Variants in FAM110C observed in about 807,000 individuals in gnomAD.
FAM110C encodes the protein family with sequence similarity 110 member C.
Under a neutral mutation model 15.7 loss-of-function variants are expected in FAM110C, and 19 were observed. That is an observed-to-expected ratio of 1.21 (90% confidence interval 0.85 to 1.78). FAM110C has a LOEUF of 1.78. Among genes scored for constraint, FAM110C ranks in the 40% most tolerant of loss-of-function variants. FAM110C has a pLI of 0.00. For missense variants in FAM110C, 547 were observed against 495.7 expected (o/e 1.10, Z -0.98); for synonymous variants, 275 against 233.9 (o/e 1.18, Z -1.61).
rs749510904 is a variant in FAM110C, at chr2:45,540, G to A, written c.846C>T (p.Ser282=). Residue 282 remains serine (S), a synonymous_variant, in exon 1 of 2, where the codon AGC becomes AGT. Transcript: ENST00000327669. ...CGTTCCTCTCGATGACCGAAGTGGT[G>A]CTGGGCACCTGCTCTATCAGCTCCT... ...QEEELIEQVP[S]TTSVIERNAR... 6.2e-7 allele frequency: 1 copy of A among 1,614,008 alleles called. No individual in the cohort carries two copies. Among genetic ancestry groups the A allele is most frequent in the African/African-American group, 1.3e-5 (1 of 74,946 alleles).
Position 45,602 on chromosome 2 carries a change from G to T in FAM110C, c.784C>A (p.Arg262=), listed in dbSNP as rs749471252. 1.2e-6 allele frequency: 2 copies of T among 1,612,340 alleles called. No individual in the cohort carries two copies. The highest frequency in any genetic ancestry group is 1.7e-6 in the Non-Finnish European group (2 of 1,179,758). The part of the protein sequence containing the change: ...SVATSGSGFS[R]HSGGDDEGLQ... ...CCCTCGTCGTCGCCGCCGCTGTGCC[G>T]GGAGAAGCCGCTGCCGGAGGTGGCG... is the stretch of plus-strand genomic sequence containing the variant. Residue 262 remains arginine (R), a synonymous_variant, in exon 1 of 2, where the codon CGG becomes AGG. Transcript: ENST00000327669.
intron 1 of FAM110C, chr2:44,691 C>A: frequency 1.0e-6 from 1 of 985,384 alleles, no homozygotes; most frequent in Non-Finnish European, 1.2e-6. Flanking sequence ...AGCTCGAGGT[C>A]AATCCGGCAC....
At position 45,582 on chromosome 2, in the gene FAM110C, G is replaced by A. The variant is rs768090761; in HGVS notation, c.804C>T (p.Asp268=). ...TCAGCTCCTCCTCCTGCAGCCCCTC[G>A]TCGTCGCCGCCGCTGTGCCGGGAGA... ...SGFSRHSGGD[D]EGLQEEELIE... The change falls in exon 1 of 2, where the codon GAC becomes GAT. Residue 268 remains aspartate, a synonymous_variant. Coordinates refer to ENST00000327669, the MANE Select transcript of FAM110C (RefSeq NM_001077710.3). 1.2e-6 allele frequency: 2 copies of A among 1,612,662 alleles called. No individual in the cohort carries two copies. Among genetic ancestry groups the A allele is most frequent in the Admixed American group, 3.3e-5 (2 of 59,976 alleles).
intron 1 of FAM110C, chr2:43,766 A>T (rs1184600648): frequency 1.0e-6 from 1 of 985,448 alleles, no homozygotes; most frequent in East Asian, 1.1e-4. Context: ...CTGCCTGCAC[A>T]TGCTATGGCT....
chr2:45,837 C>A lies in FAM110C; in HGVS notation c.549G>T (p.Ala183=), dbSNP rs751854595. 14 of 1,538,086 alleles carry A rather than the reference C, an allele frequency of 9.1e-6. No homozygotes were observed. The highest frequency in any genetic ancestry group is 2.0e-5 in the Admixed American group (1 of 50,882). Residue 183 remains alanine (A), a synonymous_variant, in exon 1 of 2, where the codon GCG becomes GCT. Transcript: ENST00000327669. ...RSAAPSSVPA[A]PPGPEPRVVR... is the part of the protein sequence containing the mutation. ...CCACCCGCGGCTCTGGCCCAGGGGG[C>A]GCGGCCGGGACACTGGAGGGCGCCG...
At position 46,456 on chromosome 2, in the gene FAM110C, TC is replaced by T; in HGVS notation, c.-72del. 8.5e-7 allele frequency: 1 copy of T among 1,171,178 alleles called. No homozygotes were observed. Among genetic ancestry groups the T allele is most frequent in the Non-Finnish European group, 1.1e-6 (1 of 927,254 alleles). The allele number at this position is 1,171,178 out of a possible 1,614,324, so 72.5% of individuals were successfully genotyped here. ...GCGCTCGAGTGGTAGAGCCAGTCAG[TC>T]CCAGGGCCGGTTCCGAAGTCCGCGC... is the stretch of plus-strand genomic sequence containing the variant. On this transcript the variant is annotated 5_prime_UTR_variant, in exon 1 of 2. Coordinates refer to ENST00000327669, the MANE Select transcript of FAM110C (RefSeq NM_001077710.3).
chr2:41,990 C>T (rs1435292580), intron 1 of FAM110C: 1 of 985,288 alleles, frequency 1.0e-6, no homozygotes, highest in Admixed American at 6.1e-5. Flanking sequence ...GCAATGCAGG[C>T]AGTTGAACTA....
Position 41,251 on chromosome 2 carries a change from A to T in FAM110C, c.*357T>A, listed in dbSNP as rs1446761692. On this transcript the variant is annotated 3_prime_UTR_variant, in exon 2 of 2. Transcript: ENST00000327669. ...TCATGCTTGGTTTTTATTTTCCTTG[A>T]TTTAAAAAAAAATCAACTTAGATAT... The T allele has an allele frequency of 4.3e-6, 1 of 234,116 alleles. No individual in the cohort carries two copies. The highest frequency in any genetic ancestry group is 8.2e-6 in the Non-Finnish European group (1 of 122,328). The allele number at this position is 234,116 out of a possible 1,614,324, so 14.5% of individuals were successfully genotyped here. A position where few individuals can be genotyped will look rare whatever the true frequency, so the allele number is the denominator to read the frequency against.
chr2:43,076 G>A, intron 1 of FAM110C: 2 of 985,518 alleles, frequency 2.0e-6, no homozygotes, highest in South Asian at 4.7e-5. Context: ...CTAAGGTCAT[G>A]AGCAGACACT....
chr2:41,732 C>T (rs1339767288), intron 1 of FAM110C, 105 bp from the exon 2 acceptor site: 1 of 1,425,272 alleles, frequency 7.0e-7, no homozygotes, highest in South Asian at 1.6e-5. Flanking sequence ...TTTTTGTTTT[C>T]TGACATTCTC....
Position 46,128 on chromosome 2 carries a change from C to T in FAM110C, c.258G>A (p.Ala86=), listed in dbSNP as rs2103274143. The T allele has an allele frequency of 1.4e-6, 2 of 1,452,902 alleles. No individual in the cohort carries two copies. Among genetic ancestry groups the T allele is most frequent in the South Asian group, 2.8e-5 (2 of 71,366 alleles). The allele number at this position is 1,452,902 out of a possible 1,614,324, so 90.0% of individuals were successfully genotyped here. Residue 86 remains alanine, a synonymous_variant, in exon 1 of 2, where the codon GCG becomes GCA. Coordinates refer to ENST00000327669, the MANE Select transcript of FAM110C (RefSeq NM_001077710.3). The part of the protein sequence containing the change: ...GPPARAPAPV[A]RRAIARKPLR... ...ACGGCTTCCGCGCAATAGCCCTGCG[C>T]GCCACCGGGGCCGGGGCGCGGGCCG...
chr2:40,777 C>T lies in FAM110C; in HGVS notation c.*831G>A, dbSNP rs1664102475. 6.6e-6 allele frequency: 1 copy of T among 152,222 alleles called. No homozygotes were observed. The highest frequency in any genetic ancestry group is 1.5e-5 in the Non-Finnish European group (1 of 68,044). 9.4% of individuals were successfully genotyped at this position (152,222 alleles called of 1,614,324 possible). A position where few individuals can be genotyped will look rare whatever the true frequency, so the allele number is the denominator to read the frequency against. ...TTGGGAACAAGAGAACCATGGAGTA[C>T]ATTCTAAATAGTGCTGCAAAAGTGA... On this transcript the variant is annotated 3_prime_UTR_variant, in exon 2 of 2. Transcript: ENST00000327669.
rs751496838 is a variant in FAM110C, at chr2:46,047, C to G, written c.339G>C (p.Ser113=). Residue 113 remains serine, a synonymous_variant, in exon 1 of 2, where the codon TCG becomes TCC. Coordinates refer to ENST00000327669, the MANE Select transcript of FAM110C (RefSeq NM_001077710.3). ...YRQKCEFVRG[S]GADGPRASLV... ...GGCTTGCCCTGGGGCCGTCGGCGCC[C>G]GATCCTCGCACGAATTCGCATTTCT... 6 of 1,520,810 alleles carry G rather than the reference C, an allele frequency of 3.9e-6. No individual in the cohort carries two copies. Among genetic ancestry groups the G allele is most frequent in the South Asian group, 1.2e-5 (1 of 81,636 alleles). 94.2% of individuals were successfully genotyped at this position (1,520,810 alleles called of 1,614,324 possible). A position where few individuals can be genotyped will look rare whatever the true frequency, so the allele number is the denominator to read the frequency against.
rs1041589471 is a variant in FAM110C, at chr2:45,660, G to T, written c.726C>A (p.Asp242Glu). Residue 242 changes from aspartate to glutamate, a missense_variant, in exon 1 of 2, where the codon GAC (aspartate) becomes GAA (glutamate). Coordinates refer to ENST00000327669, the MANE Select transcript of FAM110C (RefSeq NM_001077710.3). ...LGRENFTAGSDCVTLKVRSVS... is the reference protein window; with the variant it reads ...LGRENFTAGSECVTLKVRSVS... The stretch of plus-strand genomic sequence containing the variant: ...CGCTGCGCACCTTGAGGGTCACACA[G>T]TCCGACCCCGCGGTGAAGTTCTCCC... 1.9e-6 allele frequency: 3 copies of T among 1,610,104 alleles called. No homozygotes were observed. Among genetic ancestry groups the T allele is most frequent in the African/African-American group, 1.3e-5 (1 of 74,894 alleles).
At position 41,642 on chromosome 2, in the gene FAM110C, A is replaced by G. The variant is rs528195106; in HGVS notation, c.947-15T>C. ...AGGTTTGCTTCCTGAGGAGTTAAAG[A>G]AAAAATAGTGAATCAACTCCAGTCT... On this transcript the variant is annotated splice_polypyrimidine_tract_variant and intron_variant, in intron 1 of 1. Transcript: ENST00000327669. The G allele has an allele frequency of 1.9e-6, 3 of 1,613,382 alleles. No homozygotes were observed. Among genetic ancestry groups the G allele is most frequent in the East Asian group, 4.5e-5 (2 of 44,844 alleles).
intron 1 of FAM110C, chr2:44,645 C>A (rs1204591457): frequency 1.0e-6 from 1 of 985,252 alleles, no homozygotes; most frequent in East Asian, 1.1e-4. Context: ...ACAGTGAAGA[C>A]CAGCACTCCT....
intron 1 of FAM110C, 35 bp downstream of exon 1, chr2:45,405 C>T: frequency 5.7e-6 from 9 of 1,574,040 alleles, no homozygotes; most frequent in Non-Finnish European, 7.8e-6. Context: ...GCCCCGCACA[C>T]GGCCAGCCCC....
chr2:45,610 C>T lies in FAM110C; in HGVS notation c.776G>A (p.Gly259Asp), dbSNP rs370957970. 2 of 1,613,372 alleles carry T rather than the reference C, an allele frequency of 1.2e-6. No individual in the cohort carries two copies. Among genetic ancestry groups the T allele is most frequent in the Non-Finnish European group, 1.7e-6 (2 of 1,179,898 alleles). ...RSVSVATSGSGFSRHSGGDDE... is the reference protein window; with the variant it reads ...RSVSVATSGSDFSRHSGGDDE... ...GTCGCCGCCGCTGTGCCGGGAGAAG[C>T]CGCTGCCGGAGGTGGCGACGCTCAC... The change falls in exon 1 of 2, where the codon GGC (glycine) becomes GAC (aspartate). Residue 259 changes from glycine (G) to aspartate (D), a missense_variant. By Grantham distance (94) the Gly-to-Asp change is moderately conservative. Transcript: ENST00000327669.
Position 40,151 on chromosome 2 carries a change from A to C in FAM110C, c.*1457T>G, listed in dbSNP as rs1250659086. The C allele has an allele frequency of 1.3e-5, 2 of 152,244 alleles. No homozygotes were observed. The highest frequency in any genetic ancestry group is 2.9e-5 in the Non-Finnish European group (2 of 68,050). 9.4% of individuals were successfully genotyped at this position (152,244 alleles called of 1,614,324 possible). The stretch of plus-strand genomic sequence containing the variant: ...TATACACAAAGAGATGACCAAGAAA[A>C]ACATGATTTAAAATTATACTGACAA... On this transcript the variant is annotated 3_prime_UTR_variant, in exon 2 of 2. Coordinates refer to ENST00000327669, the MANE Select transcript of FAM110C (RefSeq NM_001077710.3).
Sources: allele counts gnomAD v4.1 joint callset, GRCh38; gene constraint gnomAD v4.1.1; transcripts MANE v1.5; gene names NCBI Gene and HGNC (gene_info 2026-07-23, HGNC 2026-07-21).